CNOT6: variants seen among roughly 807,000 people sequenced by gnomAD.
The protein encoded by CNOT6 is CCR4-NOT transcription complex subunit 6.
CNOT6 carries 12 observed loss-of-function variants against 61.2 expected under a neutral mutation model. That is an observed-to-expected ratio of 0.20 (90% CI 0.13 to 0.32). The LOEUF is 0.32. Among genes scored for constraint, CNOT6 ranks in the 10% least tolerant of loss-of-function variants. The pLI, the probability that CNOT6 is intolerant of heterozygous loss-of-function variation, is 1.00. For synonymous variants in CNOT6, 225 were observed against 240.6 expected, an observed-to-expected ratio of 0.94 and a Z score of 0.60; for missense variants, 405 against 663.9, an observed-to-expected ratio of 0.61 and a Z score of 4.28.
rs571534998 is a variant in CNOT6, at chr5:180,577,643, A to G, written c.*3443A>G. On this transcript the variant is annotated 3_prime_UTR_variant, in exon 12 of 12. Coordinates refer to ENST00000261951, the MANE Select transcript of CNOT6 (RefSeq NM_001370472.1). ...CTGGTATGTTGAAGTAGTGTCTAAA[A>G]GTATCTAGTCTTTATTCACAGTACA... 3 of 152,770 alleles carry G rather than the reference A, an allele frequency of 2.0e-5. No individual in the cohort carries two copies. The highest frequency in any genetic ancestry group is 3.9e-4 in the East Asian group (2 of 5,192). The allele number at this position is 152,770 out of a possible 1,614,324, so 9.5% of individuals were successfully genotyped here. A position where few individuals can be genotyped will look rare whatever the true frequency, so the allele number is the denominator to read the frequency against.
At chr5:180,553,567 CTCATTTT>C (rs1444625077) in intron 4 of CNOT6, 96 bp downstream of exon 4, 1 of 839,292 alleles carries the variant, frequency 1.2e-6, no homozygotes, top group African/African-American at 1.7e-5. Flanking sequence ...CTTTTAAAGA[CTCATTTT>C]CCCCCAGACT....
chr5:180,496,464 G>T (rs1756619597), intron 1 of CNOT6, among the ~76,000 whole-genome samples: 1 of 152,114 alleles, frequency 6.6e-6, no homozygotes. Context: ...TTGGGAGGAG[G>T]GAGGGTATGT....
Position 180,577,163 on chromosome 5 carries a change from A to ATATGTGTG in CNOT6, c.*2964_*2965insATGTGTGT, listed in dbSNP as rs1554104989. On this transcript the variant is annotated 3_prime_UTR_variant, in exon 12 of 12. Coordinates refer to ENST00000261951, the MANE Select transcript of CNOT6 (RefSeq NM_001370472.1). Reference sequence around the variant, plus strand: ...AGATAGGCAGAGAACATCTCCAGAAATGTGTGTGTGTGTGTGTGTGTGTGT... The same window carrying ATATGTGTG: ...AGATAGGCAGAGAACATCTCCAGAAATATGTGTGTGTGTGTGTGTGTGTGTGTGTGTGT... 6.9e-6 allele frequency: 1 copy of ATATGTGTG among 145,656 alleles called. No individual in the cohort carries two copies. The highest frequency in any genetic ancestry group is 1.5e-5 in the Non-Finnish European group (1 of 66,402). 9.0% of individuals were successfully genotyped at this position (145,656 alleles called of 1,614,324 possible).
intron 1 of CNOT6, among the ~76,000 whole-genome samples, chr5:180,509,314 T>C (rs1237236311): frequency 1.3e-5 from 2 of 152,030 alleles, no homozygotes; most frequent in Non-Finnish European, 2.9e-5. Flanking sequence ...GTATTTTTTT[T>C]TCTACAGACC....
intron 2 of CNOT6, 81 bp from the exon 3 acceptor site, chr5:180,549,850 A>G: frequency 1.9e-6 from 2 of 1,072,672 alleles, no homozygotes; most frequent in Admixed American, 2.3e-5. Context: ...ACTCATAAAA[A>G]CATCTAAATC....
intron 1 of CNOT6, among the ~76,000 whole-genome samples, chr5:180,502,877 G>A (rs1301780867): frequency 6.6e-6 from 1 of 152,186 alleles, no homozygotes; most frequent in Non-Finnish European, 1.5e-5. Flanking sequence ...TTGTTGTTAA[G>A]TAAACACTTC....
rs113905648 is a variant in CNOT6, at chr5:180,572,824, G to A, written c.1462-1164G>A. Among the ~76,000 whole-genome samples the A allele has an allele frequency of 6.1e-3, 936 of 152,204 alleles. 10 individuals carry two copies. Among genetic ancestry groups the A allele is most frequent in the African/African-American group, 0.022 (901 of 41,522 alleles). On this transcript the variant is annotated intron_variant, in intron 11 of 11. Transcript: ENST00000261951. Reference sequence around the variant, plus strand: ...TCCTGCCTTAGCCTCCCAAAGTGCTGGGATTATAGACGGGAGCTACCACAT... The same window carrying A: ...TCCTGCCTTAGCCTCCCAAAGTGCTAGGATTATAGACGGGAGCTACCACAT...
chr5:180,530,133 A>T (rs1488296240), intron 2 of CNOT6, among the ~76,000 whole-genome samples: 1 of 152,144 alleles, frequency 6.6e-6, no homozygotes, highest in Non-Finnish European at 1.5e-5. Flanking sequence ...CTTTCCTTTC[A>T]GTTTGTTCTG....
intron 1 of CNOT6, among the ~76,000 whole-genome samples, chr5:180,515,027 A>T (rs1472716030): frequency 6.6e-6 from 1 of 152,158 alleles, no homozygotes; most frequent in Non-Finnish European, 1.5e-5. Context: ...AGGAGGGCTT[A>T]CAGAGGCTGT....
intron 2 of CNOT6, among the ~76,000 whole-genome samples, chr5:180,545,077 C>G (rs1759245439): frequency 6.6e-6 from 1 of 152,152 alleles, no homozygotes; most frequent in Admixed American, 6.5e-5. Flanking sequence ...CTACAAATAG[C>G]TTGTGGTATG....
At chr5:180,527,261 G>T (rs1040268324) in intron 1 of CNOT6, among the ~76,000 whole-genome samples, 5 of 152,124 alleles carry the variant, frequency 3.3e-5, no homozygotes, top group African/African-American at 1.2e-4. Context: ...ATTAAACAAG[G>T]TCTGTACATT....
chr5:180,539,548 G>GTTGTTTTTTTTTTT (rs1561648866), intron 2 of CNOT6, among the ~76,000 whole-genome samples: 1 of 45,824 alleles, frequency 2.2e-5, no homozygotes, highest in African/African-American at 7.6e-5. Context: ...TACTTTTTCT[G>GTTGTTTTTTTTTTT]TTCTTTTTTT....
intron 1 of CNOT6, among the ~76,000 whole-genome samples, chr5:180,522,158 C>CT (rs777030111): frequency 2.0e-5 from 3 of 152,148 alleles, no homozygotes; most frequent in Non-Finnish European, 4.4e-5. Context: ...GAGTTTCACT[C>CT]TTATCACCGA....
At chr5:180,530,921 A>G (rs1410256576) in intron 2 of CNOT6, among the ~76,000 whole-genome samples, 1 of 152,132 alleles carries the variant, frequency 6.6e-6, no homozygotes, top group African/African-American at 2.4e-5. Flanking sequence ...AGGCAGAAGA[A>G]TTTTTCTTAG....
In CNOT6 at chr5:180,563,363, C is replaced by T. The variant is rs374794069; in HGVS notation, c.386-1126C>T. Among the ~76,000 whole-genome samples, 74 of 151,574 alleles carry T rather than the reference C, an allele frequency of 4.9e-4. No homozygotes were observed. The South Asian group carries it at 7.8e-3, about 16-fold the overall frequency. ...CCTGAGTAGCTGGACTACAGGCGCC[C>T]GCCACCACGCCTGGCTGTTTTTTTT... On this transcript the variant is annotated intron_variant, in intron 4 of 11. Transcript: ENST00000261951.
intron 2 of CNOT6, among the ~76,000 whole-genome samples, chr5:180,535,988 GTTTTTTTTTTTTTT>G (rs756489493): frequency 3.2e-5 from 2 of 62,444 alleles, no homozygotes; most frequent in African/African-American, 6.8e-5. Context: ...ACTTATTAGG[GTTTTTTTTTTTTTT>G]TTTTTTTTTT....
intron 4 of CNOT6, among the ~76,000 whole-genome samples, chr5:180,554,037 A>G (rs1305165412): frequency 6.6e-6 from 1 of 152,240 alleles, no homozygotes; most frequent in Non-Finnish European, 1.5e-5. Flanking sequence ...TATCATGTTA[A>G]GCAGTTCTTC....
chr5:180,539,204 G>T (rs1561648668), intron 2 of CNOT6, among the ~76,000 whole-genome samples: 1 of 148,626 alleles, frequency 6.7e-6, no homozygotes, highest in Non-Finnish European at 1.5e-5. Flanking sequence ...CAGCCAAGCA[G>T]GAGGATTACT....
chr5:180,573,722 C>T (rs983395456), intron 11 of CNOT6, among the ~76,000 whole-genome samples: 4 of 151,978 alleles, frequency 2.6e-5, no homozygotes, highest in Non-Finnish European at 5.9e-5. Context: ...ACAAATTAGG[C>T]TAGGAAAGAG....
Sources: allele counts gnomAD v4.1 joint callset (sites outside exome capture counted in the v4.1 genomes callset), GRCh38; gene constraint gnomAD v4.1.1; transcripts MANE v1.5; gene names NCBI Gene and HGNC (gene_info 2026-07-23, HGNC 2026-07-21).